The following NXN variants were observed in gnomAD, a reference collection of about 807,000 sequenced individuals.
The protein encoded by NXN is nucleoredoxin, also known as nucleoredoxin 1.
A neutral mutation model predicts 48.6 loss-of-function variants in NXN; 16 were observed. That is an observed-to-expected ratio of 0.33 (90% confidence interval 0.22 to 0.50). NXN has a LOEUF of 0.50. Ranked by LOEUF, NXN falls within the 20% of genes least tolerant of loss-of-function variation. NXN has a pLI of 0.98. For missense variants in NXN, 492 were observed against 605.5 expected, an observed-to-expected ratio of 0.81 and a Z score of 1.97; for synonymous variants, 281 against 269.6, an observed-to-expected ratio of 1.04 and a Z score of -0.41.
At chr17:933,153 G>A (rs1255962734) in intron 1 of NXN, among the ~76,000 whole-genome samples, 4 of 144,758 alleles carry the variant, frequency 2.8e-5, no homozygotes, top group Non-Finnish European at 6.1e-5. Context: ...TGGATCTGAT[G>A]TGATTCTGTA....
intron 1 of NXN, among the ~76,000 whole-genome samples, chr17:831,461 ATTTATTTATTTATTTAT>A (rs1020943014): frequency 1.5e-5 from 1 of 68,224 alleles, no homozygotes; most frequent in Non-Finnish European, 2.5e-5. Flanking sequence ...TTATTCATTT[ATTTATTTATTTATTTAT>A]TTATTATTTT....
Position 799,433 on chromosome 17 carries a change from T to C in NXN, c.*1516A>G, listed in dbSNP as rs949385243. ...CATAACAAGTCTAATCGCCAACTAG[T>C]TGTACGCCTCTGAACTACAAGTCAA... is the stretch of plus-strand genomic sequence containing the variant. On this transcript the variant is annotated 3_prime_UTR_variant, in exon 8 of 8. Transcript: ENST00000336868. The C allele has an allele frequency of 1.3e-5, 2 of 152,252 alleles. No homozygotes were observed. Among genetic ancestry groups the C allele is most frequent in the African/African-American group, 4.8e-5 (2 of 41,448 alleles). 9.4% of individuals were successfully genotyped at this position (152,252 alleles called of 1,614,324 possible). A position where few individuals can be genotyped will look rare whatever the true frequency, so the allele number is the denominator to read the frequency against.
chr17:842,998 GAGAAAGAGAGAAAGAAAGAAAGAAAGAA>G lies in NXN; in HGVS notation c.361-16948_361-16921del, dbSNP rs1177525139. ...AGAGAAAGAGAGAAAGAGAGAAAGA[GAGAAAGAGAGAAAGAAAGAAAGAAAGAA>G]AGAAAGAAAGAAAGAAAGAAAGAAA... On this transcript the variant is annotated intron_variant, in intron 1 of 7. Coordinates refer to ENST00000336868, the MANE Select transcript of NXN (RefSeq NM_022463.5). Among the ~76,000 whole-genome samples, 166 of 105,046 alleles carry G rather than the reference GAGAAAGAGAGAAAGAAAGAAAGAAAGAA, an allele frequency of 1.6e-3. 1 individual carries two copies. Among genetic ancestry groups the G allele is most frequent in the Middle Eastern group, 8.8e-3 (2 of 228 alleles). 68.9% of individuals were successfully genotyped at this position (105,046 alleles called of 152,430 possible). A position where few individuals can be genotyped will look rare whatever the true frequency, so the allele number is the denominator to read the frequency against.
Position 880,244 on chromosome 17 carries a change from G to T in NXN, c.361-54166C>A, listed in dbSNP as rs527752780. Among the ~76,000 whole-genome samples, 140 of 152,108 alleles carry T rather than the reference G, an allele frequency of 9.2e-4. 1 individual carries two copies. Among genetic ancestry groups the T allele is most frequent in the Non-Finnish European group, 2.2e-4 (15 of 68,006 alleles). On this transcript the variant is annotated intron_variant, in intron 1 of 7. Coordinates refer to ENST00000336868, the MANE Select transcript of NXN (RefSeq NM_022463.5). ...TCCTGGGGACGGAGGAATGAGGGAGGCGTCTCTTTATTTCCGGGGGCGGAG... is the reference window on the plus strand; with the variant it reads ...TCCTGGGGACGGAGGAATGAGGGAGTCGTCTCTTTATTTCCGGGGGCGGAG...
At chr17:860,032 A>C (rs2068025728) in intron 1 of NXN, among the ~76,000 whole-genome samples, 1 of 152,238 alleles carries the variant, frequency 6.6e-6, no homozygotes, top group Non-Finnish European at 1.5e-5. Flanking sequence ...AGGGTGAGTC[A>C]GAAGCTAAGG....
chr17:883,421 G>A (rs937124046), intron 1 of NXN, among the ~76,000 whole-genome samples: 1 of 152,110 alleles, frequency 6.6e-6, no homozygotes, highest in African/African-American at 2.4e-5. Flanking sequence ...TGTTCTTGGA[G>A]TTGAACCAGC....
At chr17:943,125 G>A (rs563584061) in intron 1 of NXN, among the ~76,000 whole-genome samples, 2 of 152,332 alleles carry the variant, frequency 1.3e-5, no homozygotes, top group Admixed American at 1.3e-4. Flanking sequence ...ATACTTCATC[G>A]TTTTAAAATA....
intron 1 of NXN, among the ~76,000 whole-genome samples, chr17:950,644 C>T (rs1169475471): frequency 3.3e-5 from 5 of 152,080 alleles, no homozygotes; most frequent in Admixed American, 1.3e-4. Context: ...AGCCAGAGCT[C>T]GGCATGTGCT....
chr17:956,471 C>T lies in NXN; in HGVS notation c.360+22848G>A, dbSNP rs886246818. Among the ~76,000 whole-genome samples the T allele has an allele frequency of 7.9e-5, 12 of 152,170 alleles. No individual in the cohort carries two copies. The highest frequency in any genetic ancestry group is 2.6e-4 in the Admixed American group (4 of 15,276). ...TCTTGTCACCCAGGCTGGAGTGCAA[C>T]GGCACAACCTCAGCTCACTGCAACC... is the stretch of plus-strand genomic sequence containing the variant. On this transcript the variant is annotated intron_variant, in intron 1 of 7. Coordinates refer to ENST00000336868, the MANE Select transcript of NXN (RefSeq NM_022463.5). This position sits in a 1 kb window ranked among gnomAD's most constrained non-coding sequence, Gnocchi z 4.1.
chr17:802,903 G>A (rs1268787994), intron 7 of NXN, among the ~76,000 whole-genome samples: 3 of 151,510 alleles, frequency 2.0e-5, no homozygotes, highest in African/African-American at 4.9e-5. Context: ...GTGGATGGAG[G>A]GCAGGGGGCG....
At chr17:876,973 G>A (rs1050149948) in intron 1 of NXN, among the ~76,000 whole-genome samples, 3 of 151,896 alleles carry the variant, frequency 2.0e-5, no homozygotes, top group Non-Finnish European at 2.9e-5. Context: ...GTGTGAACTC[G>A]GGAGGCTGAG....
intron 1 of NXN, among the ~76,000 whole-genome samples, chr17:884,154 G>C (rs2068316718): frequency 6.6e-6 from 1 of 152,040 alleles, no homozygotes; most frequent in African/African-American, 2.4e-5. Flanking sequence ...CTGGGAGGCG[G>C]AGCTTGCAGT....
intron 5 of NXN, among the ~76,000 whole-genome samples, chr17:817,032 T>C: frequency 6.6e-6 from 1 of 152,156 alleles, no homozygotes; most frequent in Non-Finnish European, 1.5e-5. Flanking sequence ...TCAACTTTTG[T>C]TTGGAAAGCA....
intron 1 of NXN, among the ~76,000 whole-genome samples, chr17:900,408 G>A (rs1032805119): frequency 1.3e-5 from 2 of 152,184 alleles, no homozygotes; most frequent in Non-Finnish European, 2.9e-5. Flanking sequence ...GGAACCCAGA[G>A]CTGACCATCT....
At chr17:897,768 A>C (rs9908247) in intron 1 of NXN, among the ~76,000 whole-genome samples, 58,198 of 151,848 alleles carry the variant, frequency 0.38, 11,568 homozygotes, top group Middle Eastern at 0.5. Context: ...CTCGGCCTCC[A>C]AGGTTCAAGC....
At chr17:928,751 G>T (rs913870889) in intron 1 of NXN, among the ~76,000 whole-genome samples, 9 of 152,076 alleles carry the variant, frequency 5.9e-5, no homozygotes, top group Admixed American at 5.9e-4. Flanking sequence ...AGGGAGAATC[G>T]CTTGAACCCG....
chr17:977,789 C>T (rs1252621607), intron 1 of NXN, among the ~76,000 whole-genome samples: 1 of 152,212 alleles, frequency 6.6e-6, no homozygotes, highest in East Asian at 1.9e-4. Context: ...AAAACCACCA[C>T]CAAGGAAAAC....
In NXN at chr17:830,591, G is replaced by A. The variant is rs891080132; in HGVS notation, c.361-4513C>T. Among the ~76,000 whole-genome samples, 5 of 152,122 alleles carry A rather than the reference G, an allele frequency of 3.3e-5. No individual in the cohort carries two copies. Among genetic ancestry groups the A allele is most frequent in the South Asian group, 2.1e-4 (1 of 4,822 alleles). On this transcript the variant is annotated intron_variant, in intron 1 of 7. Transcript: ENST00000336868. The surrounding 1 kb of genome is among the most constrained non-coding windows in gnomAD (Gnocchi z 4.2). ...AGTAGATGAGAGAACCAGGGGCGGC[G>A]GCTGTGATGAGGTCAGAGATCATCA...
rs553678056 is a variant in NXN, at chr17:839,797, T to TAAAAAAAAA, written c.361-13728_361-13720dup. 8.2e-4 allele frequency among the ~76,000 whole-genome samples: 47 copies of TAAAAAAAAA among 57,262 alleles called. 4 individuals carry two copies. Among genetic ancestry groups the TAAAAAAAAA allele is most frequent in the African/African-American group, 1.6e-3 (18 of 11,162 alleles). 37.6% of individuals were successfully genotyped at this position (57,262 alleles called of 152,430 possible). A position where few individuals can be genotyped will look rare whatever the true frequency, so the allele number is the denominator to read the frequency against. ...CAGCCTGGCGACAGAGAGACCTTGT[T>TAAAAAAAAA]AAAAAAAAAAAAAAAAAGGCCAGGC... On this transcript the variant is annotated intron_variant, in intron 1 of 7. Transcript: ENST00000336868.
Sources: gnomAD v4.1 joint callset for allele counts (sites outside exome capture counted in the v4.1 genomes callset) on GRCh38, gnomAD v4.1.1 for gene constraint, Gnocchi (gnomAD v3.1) non-coding constraint, MANE v1.5 for transcripts, NCBI Gene and HGNC (gene_info 2026-07-23, HGNC 2026-07-21) for gene names.